Variants in HS3ST2 observed in about 807,000 individuals in gnomAD.
HS3ST2 encodes heparan sulfate-glucosamine 3-sulfotransferase 2, also known as heparan sulfate glucosamine 3-O-sulfotransferase 2.
A neutral mutation model predicts 26.3 loss-of-function variants in HS3ST2; 17 were observed. The observed-to-expected ratio is 0.65, with a 90% CI of 0.44 to 0.97. The LOEUF is 0.97. Among genes scored for constraint, HS3ST2 ranks in the 50% least tolerant of loss-of-function variants. The probability of loss-of-function intolerance (pLI) is 0.00; values close to 1 mark genes in which losing one functional copy is unlikely to be tolerated. For missense variants in HS3ST2, 402 were observed against 501.2 expected (o/e 0.80, Z 1.89); for synonymous variants, 237 against 219.2 (o/e 1.08, Z -0.72).
chr16:22,905,708 C>T lies in HS3ST2; in HGVS notation c.486-9236C>T, dbSNP rs114439203. ...AACAATCTTCACTCTCAAAATTTAC[C>T]ATCTACCGTGGGATGGGATGGGTGT... On this transcript the variant is annotated intron_variant, in intron 1 of 1. Coordinates refer to ENST00000261374, the MANE Select transcript of HS3ST2 (RefSeq NM_006043.2). Among the ~76,000 whole-genome samples, 616 of 152,200 alleles carry T rather than the reference C, an allele frequency of 4.0e-3. 4 individuals carry two copies. Among genetic ancestry groups the T allele is most frequent in the African/African-American group, 0.014 (589 of 41,520 alleles).
intron 1 of HS3ST2, among the ~76,000 whole-genome samples, chr16:22,875,547 AT>A (rs578089502): frequency 2.1e-4 from 32 of 151,920 alleles, no homozygotes; most frequent in Non-Finnish European, 4.3e-4. Flanking sequence ...CACCTAGCTA[AT>A]TTTTTTGTAT....
At chr16:22,820,169 A>AC (rs199760276) in intron 1 of HS3ST2, among the ~76,000 whole-genome samples, 2,497 of 149,578 alleles carry the variant, frequency 0.017, 23 homozygotes, top group African/African-American at 0.03. Flanking sequence ...GAGTCCATAA[A>AC]CCCCCCCCCA....
chr16:22,839,315 A>G (rs1312763053), intron 1 of HS3ST2, among the ~76,000 whole-genome samples: 1 of 152,214 alleles, frequency 6.6e-6, no homozygotes, highest in Non-Finnish European at 1.5e-5. Context: ...CAAATGCATG[A>G]AAGACTGAAA....
At chr16:22,872,363 T>C (rs1032516764) in intron 1 of HS3ST2, among the ~76,000 whole-genome samples, 1 of 152,216 alleles carries the variant, frequency 6.6e-6, no homozygotes, top group Non-Finnish European at 1.5e-5. Flanking sequence ...CTATACCAAA[T>C]ATAGCAAATG....
chr16:22,841,270 C>T (rs558039896), intron 1 of HS3ST2, among the ~76,000 whole-genome samples: 7 of 152,158 alleles, frequency 4.6e-5, no homozygotes, highest in Admixed American at 2.6e-4. Context: ...ACTATGTTGC[C>T]CAGGCTGGTC....
Position 22,876,724 on chromosome 16 carries a change from C to T in HS3ST2, c.486-38220C>T, listed in dbSNP as rs114476980. On this transcript the variant is annotated intron_variant, in intron 1 of 1. Coordinates refer to ENST00000261374, the MANE Select transcript of HS3ST2 (RefSeq NM_006043.2). ...ATTTGCAATTGAAAAAATATGGATC[C>T]AGCCCAAATGCCCATCAATCAATGA... Among the ~76,000 whole-genome samples, 414 of 152,228 alleles carry T rather than the reference C, an allele frequency of 2.7e-3. 2 individuals carry two copies. The highest frequency in any genetic ancestry group is 8.8e-3 in the African/African-American group (367 of 41,530).
chr16:22,881,465 A>G (rs1901990026), intron 1 of HS3ST2, among the ~76,000 whole-genome samples: 1 of 152,078 alleles, frequency 6.6e-6, no homozygotes, highest in Non-Finnish European at 1.5e-5. Context: ...ATCTCCTCTC[A>G]GTCTCCAGAG....
Position 22,814,654 on chromosome 16 carries a change from G to T in HS3ST2, c.44G>T (p.Arg15Leu). ...GGCCGCGCGGGGCCACCTCAGCCGC[G>T]GAGGGCGCGCAGGCTGCTCTTCGCC... ...VLGRAGPPQP[R>L]RARRLLFAFT... The change falls in exon 1 of 2, where the codon CGG becomes CTG. Residue 15 changes from arginine (R) to leucine (L), a missense_variant. Arg to Leu is a moderately radical substitution (Grantham distance 102). Coordinates refer to ENST00000261374, the MANE Select transcript of HS3ST2 (RefSeq NM_006043.2). The T allele has an allele frequency of 6.4e-7, 1 of 1,564,746 alleles. No homozygotes were observed. Among genetic ancestry groups the T allele is most frequent in the Non-Finnish European group, 8.6e-7 (1 of 1,156,366 alleles).
intron 1 of HS3ST2, among the ~76,000 whole-genome samples, chr16:22,883,300 G>A (rs1167003246): frequency 6.6e-6 from 1 of 152,220 alleles, no homozygotes; most frequent in African/African-American, 2.4e-5. Flanking sequence ...CAGTCTGAGG[G>A]TTTAAACCCT....
chr16:22,833,313 C>T (rs1901203269), intron 1 of HS3ST2: 1 of 456,060 alleles, frequency 2.2e-6, no homozygotes, highest in East Asian at 6.9e-5. Context: ...TCGGTGCACA[C>T]ACTTGGGTGA....
At chr16:22,860,519 A>AT (rs1901659886) in intron 1 of HS3ST2, among the ~76,000 whole-genome samples, 1 of 152,022 alleles carries the variant, frequency 6.6e-6, no homozygotes, top group Non-Finnish European at 1.5e-5. Flanking sequence ...TTATTTATTT[A>AT]TTTTTGAGCA....
At chr16:22,910,575 T>C (rs74645053) in intron 1 of HS3ST2, among the ~76,000 whole-genome samples, 3,086 of 152,320 alleles carry the variant, frequency 0.02, 73 homozygotes, top group Admixed American at 0.057. Context: ...ACTACTTTTT[T>C]TAATTAGTTC....
intron 1 of HS3ST2, among the ~76,000 whole-genome samples, chr16:22,822,701 A>G (rs1488036048): frequency 6.6e-6 from 1 of 151,964 alleles, no homozygotes; most frequent in African/African-American, 2.4e-5. Context: ...TAAAAATACA[A>G]AAAATTAGCT....
At chr16:22,839,189 T>C (rs1479735374) in intron 1 of HS3ST2, among the ~76,000 whole-genome samples, 3 of 152,202 alleles carry the variant, frequency 2.0e-5, no homozygotes, top group Non-Finnish European at 4.4e-5. Context: ...CATAAAAAGA[T>C]TGATAAATAT....
chr16:22,911,960 A>G (rs1011235251), intron 1 of HS3ST2, among the ~76,000 whole-genome samples: 1 of 152,138 alleles, frequency 6.6e-6, no homozygotes, highest in African/African-American at 2.4e-5. Flanking sequence ...TGTCTCTACA[A>G]AAAATACAAA....
Position 22,902,722 on chromosome 16 carries a change from T to A in HS3ST2, c.486-12222T>A, listed in dbSNP as rs59528774. ...ATCATAATTGTTACAATTAAAAAAA[T>A]TTTTTTTCCAGCCTTACAGGTGAAT... is the stretch of plus-strand genomic sequence containing the variant. On this transcript the variant is annotated intron_variant, in intron 1 of 1. Transcript: ENST00000261374. Among the ~76,000 whole-genome samples the A allele has an allele frequency of 3.5e-4, 51 of 147,318 alleles. No individual in the cohort carries two copies. The South Asian group carries it at 9.5e-3, about 27-fold the overall frequency.
intron 1 of HS3ST2, among the ~76,000 whole-genome samples, chr16:22,867,850 G>A (rs2141191937): frequency 6.6e-6 from 1 of 152,290 alleles, no homozygotes; most frequent in African/African-American, 2.4e-5. Context: ...TATTTAACCT[G>A]GAGGATGTTT....
intron 1 of HS3ST2, among the ~76,000 whole-genome samples, chr16:22,860,867 G>T (rs1978073): frequency 6.7e-6 from 1 of 149,982 alleles, no homozygotes; most frequent in Non-Finnish European, 1.5e-5. Flanking sequence ...AGATAAATAT[G>T]TATTTAATAT....
chr16:22,815,568 C>T (rs1412269690), intron 1 of HS3ST2, among the ~76,000 whole-genome samples: 3 of 152,138 alleles, frequency 2.0e-5, no homozygotes, highest in Non-Finnish European at 4.4e-5. Flanking sequence ...AGAGTTCAGG[C>T]CAAATGACAG....
Sources: allele counts gnomAD v4.1 joint callset (sites outside exome capture counted in the v4.1 genomes callset), GRCh38; gene constraint gnomAD v4.1.1; transcripts MANE v1.5; gene names NCBI Gene and HGNC (gene_info 2026-07-23, HGNC 2026-07-21).